Variants in TGFBR3L observed in about 807,000 individuals in gnomAD.
TGFBR3L encodes transforming growth factor beta receptor 3 like, also known as transforming growth factor-beta receptor type 3-like protein.
A neutral mutation model predicts 20.4 loss-of-function variants in TGFBR3L; 21 were observed. The ratio of observed to expected loss-of-function variants is 1.03; its 90% confidence interval spans 0.73 to 1.48. The LOEUF is 1.48. Among genes scored for constraint, TGFBR3L ranks in the 40% most tolerant of loss-of-function variants. The pLI is 0.00. For synonymous variants in TGFBR3L, 245 were observed against 244.2 expected (o/e 1.00, Z -0.03); for missense variants, 479 against 498.0 (o/e 0.96, Z 0.36).
In TGFBR3L at chr19:7,915,221, C is replaced by T. The variant is rs559977497; in HGVS notation, c.-1047C>T. 1.3e-5 allele frequency among the ~76,000 whole-genome samples: 2 copies of T among 152,222 alleles called. No homozygotes were observed. Among genetic ancestry groups the T allele is most frequent in the African/African-American group, 2.4e-5 (1 of 41,528 alleles). On this transcript the variant is annotated 5_prime_UTR_variant, in exon 1 of 6. Transcript: ENST00000565886. ...AACTCCTGACCTCAGGCGATCCGCC[C>T]GCCTCGAACTTTTCAAAGTGCTGGG... is the stretch of plus-strand genomic sequence containing the variant.
In TGFBR3L at chr19:7,918,044, C is replaced by T. The variant is rs1390669346; in HGVS notation, c.884-13C>T. 1 of 1,533,130 alleles carries T rather than the reference C, an allele frequency of 6.5e-7. No homozygotes were observed. Among genetic ancestry groups the T allele is most frequent in the East Asian group, 2.5e-5 (1 of 40,816 alleles). 95.0% of individuals were successfully genotyped at this position (1,533,130 alleles called of 1,614,324 possible). ...GCGCAGCAGCCCTTCTGCAGCTCGC[C>T]TCTCCCTTCCAGCGCCCCACGCCCC... On this transcript the variant is annotated splice_polypyrimidine_tract_variant and intron_variant, in intron 4 of 5. Transcript: ENST00000565886.
intron 4 of TGFBR3L, 46 bp from the exon 6 acceptor site, chr19:7,918,011 G>T: frequency 6.6e-7 from 1 of 1,522,960 alleles, no homozygotes; most frequent in Non-Finnish European, 8.8e-7. Flanking sequence ...CCCTTAGCCT[G>T]GCGTGGCGCG....
rs2084935243 is a variant in TGFBR3L at position 7,915,647 on chromosome 19, A to T, written c.-621A>T. On this transcript the variant is annotated 5_prime_UTR_variant, in exon 1 of 6. Coordinates refer to ENST00000565886, the MANE Select transcript of TGFBR3L (RefSeq NM_001195259.2). ...TAGCTACTCGAGAGGCTGAAGCAGG[A>T]GGATGGCTGGAGCCCAGGAGGTGGA... Among the ~76,000 whole-genome samples the T allele has an allele frequency of 6.6e-6, 1 of 152,216 alleles. No homozygotes were observed. The highest frequency in any genetic ancestry group is 2.4e-5 in the African/African-American group (1 of 41,458).
At chr19:7,918,248 T>G (rs1983410373) in intron 5 of TGFBR3L, 119 bp downstream of exon 6, 1 of 1,250,298 alleles carries the variant, frequency 8.0e-7, no homozygotes, top group African/African-American at 1.5e-5. Flanking sequence ...TGTTTGTTTG[T>G]TTTTTGAGAC....
intron 5 of TGFBR3L, 51 bp from the exon 7 acceptor site, chr19:7,918,866 G>A (rs1349619622): frequency 7.5e-6 from 3 of 398,362 alleles, no homozygotes; most frequent in African/African-American, 2.1e-5. Context: ...GGGAAGGGAG[G>A]TGGCCCGCGT....
Position 7,918,163 on chromosome 19 carries a change from A to G in TGFBR3L, c.*5+34A>G, listed in dbSNP as rs191273531. The G allele has an allele frequency of 3.4e-4, 527 of 1,529,710 alleles. 2 individuals carry two copies. The African/African-American group carries it at 6.4e-3, about 18-fold the overall frequency. 94.8% of individuals were successfully genotyped at this position (1,529,710 alleles called of 1,614,324 possible). A position where few individuals can be genotyped will look rare whatever the true frequency, so the allele number is the denominator to read the frequency against. On this transcript the variant is annotated intron_variant, in intron 5 of 5. Coordinates refer to ENST00000565886, the MANE Select transcript of TGFBR3L (RefSeq NM_001195259.2). ...GGAGGTGGAGGGAGCTGGGTGAGGT[A>G]GGAGATCTGACAGTGACGCTTCCTA...
In TGFBR3L at chr19:7,916,928, C is replaced by CCGA; in HGVS notation, c.585_586insACG (p.Pro195_Pro196insThr). On this transcript the variant is annotated inframe_insertion, in exon 2 of 6. Transcript: ENST00000565886. ...TGCGCCTCTGACGCCGCCGCCGCCG[C>CCGA]CGCCGCCATCGCGGGTGCGCGGGCG... 1 of 1,294,076 alleles carries CCGA rather than the reference C, an allele frequency of 7.7e-7. No individual in the cohort carries two copies. Among genetic ancestry groups the CCGA allele is most frequent in the Non-Finnish European group, 9.7e-7 (1 of 1,029,376 alleles). The allele number at this position is 1,294,076 out of a possible 1,614,324, so 80.2% of individuals were successfully genotyped here.
chr19:7,916,994 G>A, intron 2 of TGFBR3L, 52 bp downstream of exon 3: 1 of 1,264,726 alleles, frequency 7.9e-7, no homozygotes. Context: ...TCGGGGGCTG[G>A]GCACGGGCGA....
Position 7,916,436 on chromosome 19 carries a change from T to C in TGFBR3L, c.169T>C (p.Trp57Arg), listed in dbSNP as rs1286042480. The change falls in exon 1 of 6, where the codon TGG (tryptophan) becomes CGG (arginine). Residue 57 changes from tryptophan (W) to arginine (R), a missense_variant. Physicochemically the swap from Trp to Arg is moderately radical, Grantham distance 101 (BLOSUM62 -3). Coordinates refer to ENST00000565886, the MANE Select transcript of TGFBR3L (RefSeq NM_001195259.2). ...CCCGTTCCCCGCGGCGCCCGGCCCC[T>C]GGCTGCGCAGACCCCTCTTCAGCCT... 2.6e-6 allele frequency: 4 copies of C among 1,533,808 alleles called. No individual in the cohort carries two copies. In the South Asian group the frequency reaches 3.6e-5, roughly 14 times the overall value.
Position 7,916,247 on chromosome 19 carries a change from G to GA in TGFBR3L, c.-18dup. 6.5e-7 allele frequency: 1 copy of GA among 1,529,150 alleles called. No individual in the cohort carries two copies. Among genetic ancestry groups the GA allele is most frequent in the Non-Finnish European group, 8.8e-7 (1 of 1,142,746 alleles). 94.7% of individuals were successfully genotyped at this position (1,529,150 alleles called of 1,614,324 possible). A position where few individuals can be genotyped will look rare whatever the true frequency, so the allele number is the denominator to read the frequency against. ...CAGGGGGCACATCACCGTCAGGGGG[G>GA]AAAGTGGCGCGGAGCCCATCATGGG... On this transcript the variant is annotated 5_prime_UTR_variant, in exon 1 of 6. Transcript: ENST00000565886.
At position 7,916,206 on chromosome 19, in the gene TGFBR3L, G is replaced by C. The variant is rs1451402002; in HGVS notation, c.-62G>C. On this transcript the variant is annotated 5_prime_UTR_variant, in exon 1 of 6. Transcript: ENST00000565886. ...AACCGGCTCAGTTGCTGGGCTGTGC[G>C]AGTCCCAGGGGTCGCCAGGGGGCAC... The C allele has an allele frequency of 6.7e-7, 1 of 1,499,672 alleles. No homozygotes were observed. The highest frequency in any genetic ancestry group is 1.4e-5 in the African/African-American group (1 of 72,244). 92.9% of individuals were successfully genotyped at this position (1,499,672 alleles called of 1,614,324 possible).
Position 7,918,903 on chromosome 19 carries a change from G to C in TGFBR3L, c.*6-14G>C, listed in dbSNP as rs1008931156. The C allele has an allele frequency of 2.5e-6, 1 of 398,496 alleles. No homozygotes were observed. The highest frequency in any genetic ancestry group is 1.3e-4 in the South Asian group (1 of 7,866). 24.7% of individuals were successfully genotyped at this position (398,496 alleles called of 1,614,324 possible). On this transcript the variant is annotated splice_polypyrimidine_tract_variant and intron_variant, in intron 5 of 5. Coordinates refer to ENST00000565886, the MANE Select transcript of TGFBR3L (RefSeq NM_001195259.2). ...GCGTCCCCTCCCTCGCTGAGCCTCA[G>C]CCACCCCTCCCAGGGATGGTGCGCC...
chr19:7,917,816 C>G lies in TGFBR3L; in HGVS notation c.840C>G (p.Gly280=). The change falls in exon 4 of 6, where the codon GGC becomes GGG. Residue 280 remains glycine, a synonymous_variant. Coordinates refer to ENST00000565886, the MANE Select transcript of TGFBR3L (RefSeq NM_001195259.2). ...TGGTGTTGGCAGCCTTCGTGCTGGG[C>G]GCCGCGCTGGCCGCCGGGCTGGGTC... 1 of 1,398,920 alleles carries G rather than the reference C, an allele frequency of 7.1e-7. No individual in the cohort carries two copies. The highest frequency in any genetic ancestry group is 9.2e-7 in the Non-Finnish European group (1 of 1,084,222). The allele number at this position is 1,398,920 out of a possible 1,614,324, so 86.7% of individuals were successfully genotyped here.
At position 7,915,325 on chromosome 19, in the gene TGFBR3L, GGGGAC is replaced by G. The variant is rs1356542012; in HGVS notation, c.-942_-938del. Among the ~76,000 whole-genome samples the G allele has an allele frequency of 6.6e-6, 1 of 152,122 alleles. No homozygotes were observed. The highest frequency in any genetic ancestry group is 1.5e-5 in the Non-Finnish European group (1 of 68,016). ...CTTTGGTGGTGGTCCTCATGGGGGT[GGGGAC>G]AGGGCAGGGGAGTGGGGTGGGGTCT... is the stretch of plus-strand genomic sequence containing the variant. On this transcript the variant is annotated 5_prime_UTR_variant, in exon 1 of 6. Transcript: ENST00000565886.
intron 2 of TGFBR3L, 31 bp downstream of exon 3, chr19:7,916,973 G>C: frequency 7.9e-7 from 1 of 1,273,056 alleles, no homozygotes; most frequent in East Asian, 3.2e-5. Context: ...GAATCCGGGC[G>C]CTGGGGCCCT....
Position 7,917,747 on chromosome 19 carries a change from C to G in TGFBR3L, c.771C>G (p.Pro257=), listed in dbSNP as rs1983378898. The G allele has an allele frequency of 7.0e-7, 1 of 1,433,894 alleles. No individual in the cohort carries two copies. Among genetic ancestry groups the G allele is most frequent in the African/African-American group, 1.5e-5 (1 of 66,802 alleles). 88.8% of individuals were successfully genotyped at this position (1,433,894 alleles called of 1,614,324 possible). The change falls in exon 4 of 6, where the codon CCC becomes CCG. Residue 257 remains proline, a synonymous_variant. Transcript: ENST00000565886. Reference sequence around the variant, plus strand: ...GCCGTGCAGTGCGCCCTGAGCCTCCCGCGCCGGCCCCCGCGGCCCTGGAAC... The same window carrying G: ...GCCGTGCAGTGCGCCCTGAGCCTCCGGCGCCGGCCCCCGCGGCCCTGGAAC...
rs969530013 is a variant in TGFBR3L at position 7,914,894 on chromosome 19, G to T, written c.-1374G>T. On this transcript the variant is annotated 5_prime_UTR_variant, in exon 1 of 6. Transcript: ENST00000565886. ...GTGCTGCTGCTGGCCCTGCTCCCAG[G>T]GATCACCACCTTACCCAGCGGGCCA... Among the ~76,000 whole-genome samples, 2 of 152,188 alleles carry T rather than the reference G, an allele frequency of 1.3e-5. No individual in the cohort carries two copies. Among genetic ancestry groups the T allele is most frequent in the African/African-American group, 4.8e-5 (2 of 41,442 alleles).
At chr19:7,917,337 G>T (rs1983356566) in intron 2 of TGFBR3L, 136 bp from the exon 4 acceptor site, 17 of 1,315,342 alleles carry the variant, frequency 1.3e-5, no homozygotes, top group Non-Finnish European at 1.6e-5. Context: ...GCACCCTAAG[G>T]GGCCGGATTT....
rs530161693 is a variant in TGFBR3L at position 7,916,448 on chromosome 19, C to T, written c.181C>T (p.Pro61Ser). The T allele has an allele frequency of 1.3e-4, 207 of 1,534,180 alleles. No homozygotes were observed. The African/African-American group carries it at 2.6e-3, about 20-fold the overall frequency. Residue 61 changes from proline to serine, a missense_variant, in exon 1 of 6, where the codon CCC becomes TCC. Coordinates refer to ENST00000565886, the MANE Select transcript of TGFBR3L (RefSeq NM_001195259.2). ...GGCGCCCGGCCCCTGGCTGCGCAGA[C>T]CCCTCTTCAGCCTGAAGCTGTCCGA...
Sources: allele counts gnomAD v4.1 joint callset (sites outside exome capture counted in the v4.1 genomes callset), GRCh38; gene constraint gnomAD v4.1.1; transcripts MANE v1.5; gene names NCBI Gene and HGNC (gene_info 2026-07-23, HGNC 2026-07-21).